Variants in CDC42BPB observed in about 807,000 individuals in gnomAD.
The protein encoded by CDC42BPB is CDC42 binding protein kinase beta, also known as serine/threonine-protein kinase MRCK beta.
In CDC42BPB, 37 loss-of-function variants were observed where a neutral mutation model predicts 214.9. That is an observed-to-expected ratio of 0.17 (90% CI 0.13 to 0.23). The LOEUF (loss-of-function observed/expected upper bound fraction) is 0.23. CDC42BPB is among the 10% of genes least tolerant of loss of function. The probability of loss-of-function intolerance (pLI) is 1.00; values close to 1 mark genes in which losing one functional copy is unlikely to be tolerated. For missense variants in CDC42BPB, 1,694 were observed against 2,227.0 expected, an observed-to-expected ratio of 0.76 and a Z score of 4.82; for synonymous variants, 931 against 884.0, an observed-to-expected ratio of 1.05 and a Z score of -0.94.
At chr14:102,988,106 T>A (rs1045188713) in intron 5 of CDC42BPB, among the ~76,000 whole-genome samples, 1 of 152,008 alleles carries the variant, frequency 6.6e-6, no homozygotes, top group African/African-American at 2.4e-5. Context: ...AATGAAATTA[T>A]AAGAGGACCA....
chr14:102,971,434 GAC>G (rs1344909522), intron 13 of CDC42BPB, among the ~76,000 whole-genome samples: 3 of 152,212 alleles, frequency 2.0e-5, no homozygotes, highest in African/African-American at 7.2e-5. Context: ...GCTGAGCCAA[GAC>G]ACTTCAGAAG....
At chr14:103,018,265 T>A (rs763369672) in intron 1 of CDC42BPB, among the ~76,000 whole-genome samples, 1 of 152,050 alleles carries the variant, frequency 6.6e-6, no homozygotes, top group Non-Finnish European at 1.5e-5. Context: ...GGCCTGGGGG[T>A]TGGGGATCCC....
In CDC42BPB at chr14:103,046,160, C is replaced by T. The variant is rs568418868; in HGVS notation, c.175+10839G>A. Among the ~76,000 whole-genome samples the T allele has an allele frequency of 7.9e-5, 12 of 152,144 alleles. No individual in the cohort carries two copies. The South Asian group carries it at 2.5e-3, about 32-fold the overall frequency. On this transcript the variant is annotated intron_variant, in intron 1 of 36. Coordinates refer to ENST00000361246, the MANE Select transcript of CDC42BPB (RefSeq NM_006035.4). ...TGGGAGAAGCAGTCAGATCCTCCCC[C>T]ACCAGCCCTCCTCCACCTCAGCCAC...
At position 102,974,118 on chromosome 14, in the gene CDC42BPB, G is replaced by C; in HGVS notation, c.1539C>G (p.Asp513Glu). 1 of 1,613,928 alleles carries C rather than the reference G, an allele frequency of 6.2e-7. No individual in the cohort carries two copies. The change falls in exon 12 of 37, where the codon GAC becomes GAG. Residue 513 changes from aspartate to glutamate, a missense_variant. Physicochemically the swap from Asp to Glu is conservative, Grantham distance 45 (BLOSUM62 2). Coordinates refer to ENST00000361246, the MANE Select transcript of CDC42BPB (RefSeq NM_006035.4). ...CACGCTCTTGGCGAAGCGCCACTGT[G>C]TCCTCAAGCTGTCGCTCGAGCCTGT... is the stretch of plus-strand genomic sequence containing the variant. Reference protein sequence around the residue: ...DSNRLERQLEDTVALRQERED... With the variant: ...DSNRLERQLEETVALRQERED...
At chr14:102,938,528 C>T in intron 34 of CDC42BPB, 117 bp from the exon 35 acceptor site, 2 of 1,439,122 alleles carry the variant, frequency 1.4e-6, no homozygotes, top group Non-Finnish European at 1.8e-6. Context: ...AAAATGGGGG[C>T]CAAGAGGGCT....
chr14:102,933,779 C>T lies in CDC42BPB; in HGVS notation c.5069G>A (p.Ser1690Asn). 6.7e-7 allele frequency: 1 copy of T among 1,501,336 alleles called. No individual in the cohort carries two copies. The highest frequency in any genetic ancestry group is 1.4e-5 in the South Asian group (1 of 72,516). The allele number at this position is 1,501,336 out of a possible 1,614,324, so 93.0% of individuals were successfully genotyped here. ...SNSSNPSGPP[S>N]PNSPHRSQLP... ...CTGGCTCCTGTGGGGGGAGTTGGGG[C>T]TCGGTGGGCCGCTGGGGTTGGAGCT... is the stretch of plus-strand genomic sequence containing the variant. The change falls in exon 37 of 37, where the codon AGC becomes AAC. Residue 1690 changes from serine to asparagine, a missense_variant. Physicochemically the swap from Ser to Asn is conservative, Grantham distance 46 (BLOSUM62 1). Coordinates refer to ENST00000361246, the MANE Select transcript of CDC42BPB (RefSeq NM_006035.4).
chr14:103,030,349 T>TA (rs1456821178), intron 1 of CDC42BPB, among the ~76,000 whole-genome samples: 2 of 152,228 alleles, frequency 1.3e-5, no homozygotes, highest in Non-Finnish European at 2.9e-5. Context: ...ATAGTTTGGA[T>TA]AACAATGGCT....
Position 103,054,806 on chromosome 14 carries a change from T to C in CDC42BPB, c.175+2193A>G, listed in dbSNP as rs181851713. 2.0e-5 allele frequency among the ~76,000 whole-genome samples: 3 copies of C among 152,368 alleles called. 1 individual carries two copies. Among genetic ancestry groups the C allele is most frequent in the South Asian group, 4.1e-4 (2 of 4,826 alleles). On this transcript the variant is annotated intron_variant, in intron 1 of 36. Transcript: ENST00000361246. Reference sequence around the variant, plus strand: ...GAGCCAGAATACAACTTTGAAAATATGTCTATGTTACAGCACAGTTCCCGT... The same window carrying C: ...GAGCCAGAATACAACTTTGAAAATACGTCTATGTTACAGCACAGTTCCCGT...
At chr14:103,056,673 G>C (rs948492740) in intron 1 of CDC42BPB, among the ~76,000 whole-genome samples, 4 of 151,748 alleles carry the variant, frequency 2.6e-5, no homozygotes, top group East Asian at 1.9e-4. Context: ...GGGCCCGGCG[G>C]GGGGGAGGGG....
chr14:103,006,790 C>T (rs1885852295), intron 3 of CDC42BPB, among the ~76,000 whole-genome samples: 1 of 152,180 alleles, frequency 6.6e-6, no homozygotes, highest in South Asian at 2.1e-4. Flanking sequence ...CATTCTTGAG[C>T]TTTTCTGAGC....
At position 103,057,390 on chromosome 14, in the gene CDC42BPB, G is replaced by A. The variant is rs1001532519; in HGVS notation, c.-217C>T. The A allele has an allele frequency of 2.2e-5, 20 of 896,394 alleles. No homozygotes were observed. The East Asian group carries it at 6.7e-4, about 30-fold the overall frequency. 55.5% of individuals were successfully genotyped at this position (896,394 alleles called of 1,614,324 possible). On this transcript the variant is annotated 5_prime_UTR_variant, in exon 1 of 37. Coordinates refer to ENST00000361246, the MANE Select transcript of CDC42BPB (RefSeq NM_006035.4). ...GGCGCCGGGCCCCGCGGGTCCATGG[G>A]CCGCTCTCCTCCCCTCGGCGCCGCC...
At chr14:102,949,348 T>C (rs897036921) in intron 26 of CDC42BPB, among the ~76,000 whole-genome samples, 1 of 152,114 alleles carries the variant, frequency 6.6e-6, no homozygotes, top group African/African-American at 2.4e-5. Context: ...CACACCCACA[T>C]GGCCCACGGC....
intron 16 of CDC42BPB, chr14:102,967,473 C>G: frequency 1.3e-5 from 6 of 468,106 alleles, no homozygotes; most frequent in Non-Finnish European, 1.4e-5. Context: ...AAAATTAAAA[C>G]AGTCACGTGT....
chr14:102,953,720 T>C (rs968087871), intron 23 of CDC42BPB, among the ~76,000 whole-genome samples: 5 of 152,238 alleles, frequency 3.3e-5, no homozygotes, highest in Admixed American at 1.3e-4. Flanking sequence ...GTGGGGCCGC[T>C]GTGCTGGCTC....
In CDC42BPB at chr14:103,004,432, C is replaced by A. The variant is rs1289645401; in HGVS notation, c.352-409G>T. ...TGCCCTCTCCGTCCTATACCCACTA[C>A]TGAGCTGCTGTGCAGCTGGCAGAAG... On this transcript the variant is annotated intron_variant, in intron 3 of 36. Transcript: ENST00000361246. The surrounding 1 kb of genome is among the most constrained non-coding windows in gnomAD (Gnocchi z 5.3). 6.6e-6 allele frequency among the ~76,000 whole-genome samples: 1 copy of A among 152,242 alleles called. No homozygotes were observed. The highest frequency in any genetic ancestry group is 1.5e-5 in the Non-Finnish European group (1 of 68,050).
At chr14:103,041,781 C>T in intron 1 of CDC42BPB, 1 of 478,914 alleles carries the variant, frequency 2.1e-6, no homozygotes, top group Non-Finnish European at 4.0e-6. Flanking sequence ...AGTACGAGTC[C>T]ACCGAGTCCC....
At chr14:103,043,077 C>T (rs749544129) in intron 1 of CDC42BPB, among the ~76,000 whole-genome samples, 6 of 152,106 alleles carry the variant, frequency 3.9e-5, no homozygotes, top group Admixed American at 6.6e-5. Flanking sequence ...GCCAACTAGG[C>T]GGCCAAAAGC....
chr14:102,943,687 T>C lies in CDC42BPB; in HGVS notation c.4408+204A>G, dbSNP rs2139361069. 2 of 560,818 alleles carry C rather than the reference T, an allele frequency of 3.6e-6. No individual in the cohort carries two copies. Among genetic ancestry groups the C allele is most frequent in the South Asian group, 5.2e-5 (2 of 38,668 alleles). 34.7% of individuals were successfully genotyped at this position (560,818 alleles called of 1,614,324 possible). ...GGCCCCATGTGCTCAGGGAGAGAGG[T>C]TGCTGAGCCCGCCTACTGCTGGTCT... On this transcript the variant is annotated intron_variant, in intron 30 of 36. Transcript: ENST00000361246. This position sits in a 1 kb window ranked among gnomAD's most constrained non-coding sequence, Gnocchi z 4.6.
At position 102,987,307 on chromosome 14, in the gene CDC42BPB, A is replaced by G. The variant is rs1250853586; in HGVS notation, c.597-727T>C. On this transcript the variant is annotated intron_variant, in intron 5 of 36. Coordinates refer to ENST00000361246, the MANE Select transcript of CDC42BPB (RefSeq NM_006035.4). The stretch of plus-strand genomic sequence containing the variant: ...TCTAAACTACTTTCTGTGCGCTCTC[A>G]AACACATGTGCGGGTGCAGGGCACC... Among the ~76,000 whole-genome samples the G allele has an allele frequency of 2.0e-5, 3 of 152,266 alleles. No individual in the cohort carries two copies. In the East Asian group the frequency reaches 5.8e-4, roughly 29 times the overall value.
Sources: gnomAD v4.1 joint callset for allele counts (sites outside exome capture counted in the v4.1 genomes callset) on GRCh38, gnomAD v4.1.1 for gene constraint, Gnocchi (gnomAD v3.1) non-coding constraint, MANE v1.5 for transcripts, NCBI Gene and HGNC (gene_info 2026-07-23, HGNC 2026-07-21) for gene names.